SYN1: variants seen among roughly 807,000 people sequenced by gnomAD.
The protein encoded by SYN1 is synapsin-1.
SYN1 carries 8 observed loss-of-function variants against 44.6 expected under a neutral mutation model. The ratio of observed to expected loss-of-function variants is 0.18; its 90% confidence interval spans 0.11 to 0.32. SYN1 has a LOEUF of 0.32. Ranked by LOEUF, SYN1 falls within the 10% of genes least tolerant of loss-of-function variation. The probability of loss-of-function intolerance (pLI) is 1.00; values close to 1 mark genes in which losing one functional copy is unlikely to be tolerated. For synonymous variants in SYN1, 275 were observed against 280.1 expected, an observed-to-expected ratio of 0.98 and a Z score of 0.18; for missense variants, 451 against 639.4, an observed-to-expected ratio of 0.71 and a Z score of 3.18.
At chrX:47,583,376 C>G in intron 5 of SYN1, 1 of 1,172,610 alleles carries the variant, frequency 8.5e-7, no homozygotes, top group Non-Finnish European at 1.1e-6. Context: ...TCAGCTGGGC[C>G]GGGGCCTGCC....
intron 5 of SYN1, among the ~76,000 whole-genome samples, chrX:47,578,700 C>G (rs1391075126): frequency 3.6e-5 from 4 of 111,805 alleles, no homozygotes; most frequent in Non-Finnish European, 7.5e-5. Flanking sequence ...CCTCCACCCC[C>G]ACCCCCACAG....
intron 1 of SYN1, among the ~76,000 whole-genome samples, chrX:47,608,523 C>T (rs1447271869): frequency 4.5e-5 from 5 of 110,889 alleles, no homozygotes; most frequent in Middle Eastern, 4.7e-3. Context: ...CAGCTGCATC[C>T]GATAAGGAGG....
chrX:47,585,522 C>T (rs1289752652), intron 5 of SYN1: 3 of 1,199,110 alleles, frequency 2.5e-6, no homozygotes, highest in African/African-American at 3.5e-5. Context: ...TTGTCGGTCC[C>T]CGCCCCGCCT....
chrX:47,596,097 A>C (rs2057862872), intron 5 of SYN1, among the ~76,000 whole-genome samples: 1 of 112,275 alleles, frequency 8.9e-6, no homozygotes, highest in Non-Finnish European at 1.9e-5. Context: ...ACTAGCAACC[A>C]TTGGAGGAGG....
chrX:47,586,311 A>G (rs1469790627), intron 5 of SYN1: 1 of 752,606 alleles, frequency 1.3e-6, no homozygotes, highest in Non-Finnish European at 1.6e-6. Flanking sequence ...CCCAGCCACC[A>G]TTCCAGGACA....
intron 1 of SYN1, among the ~76,000 whole-genome samples, chrX:47,619,045 G>A (rs770442278): frequency 9.0e-6 from 1 of 110,715 alleles, no homozygotes; most frequent in East Asian, 2.9e-4. Flanking sequence ...GGGTAGGAAG[G>A]ACACGTTCGG....
chrX:47,619,536 C>A lies in SYN1; in HGVS notation c.193G>T (p.Ala65Ser), dbSNP rs1341993073. 8.4e-7 allele frequency: 1 copy of A among 1,192,410 alleles called. No homozygotes were observed. Among genetic ancestry groups the A allele is most frequent in the African/African-American group, 1.8e-5 (1 of 57,032 alleles). Residue 65 changes from alanine (A) to serine (S), a missense_variant, in exon 1 of 13, where the codon GCC becomes TCC. By Grantham distance (99) the Ala-to-Ser change is moderately conservative (BLOSUM62 1). This residue lies in a region of SYN1 where 315 missense variants were observed against 451.4 expected (regional missense o/e 0.70). Transcript: ENST00000295987. ...SGVAPAASPAAPSPGSSGGGG... is the reference protein window; with the variant it reads ...SGVAPAASPASPSPGSSGGGG... Reference sequence around the variant, plus strand: ...CCCCCCGAGGACCCGGGGCTAGGGGCGGCCGGAGAGGCCGCTGGGGCGACC... The same window carrying A: ...CCCCCCGAGGACCCGGGGCTAGGGGAGGCCGGAGAGGCCGCTGGGGCGACC...
chrX:47,602,470 C>T (rs930936450), intron 5 of SYN1, among the ~76,000 whole-genome samples: 3 of 111,252 alleles, frequency 2.7e-5, no homozygotes, highest in Admixed American at 9.6e-5. Flanking sequence ...GGTGAAACCC[C>T]TTTTCTACTA....
chrX:47,617,846 G>C (rs1049632431), intron 1 of SYN1, among the ~76,000 whole-genome samples: 10 of 111,744 alleles, frequency 8.9e-5, no homozygotes, highest in Non-Finnish European at 1.5e-4. Flanking sequence ...GCACATGACA[G>C]ACAAGGAATA....
intron 5 of SYN1, among the ~76,000 whole-genome samples, chrX:47,582,855 T>C (rs1272427983): frequency 1.7e-5 from 1 of 57,341 alleles, no homozygotes; most frequent in African/African-American, 7.3e-5. Context: ...GTTCCCCAGC[T>C]CCCAAACTTC....
intron 3 of SYN1, 145 bp from the exon 4 acceptor site, chrX:47,605,524 C>T (rs1168739778): frequency 5.3e-6 from 4 of 747,977 alleles, no homozygotes; most frequent in Non-Finnish European, 5.9e-6. Context: ...GAGCTGTTCC[C>T]TCTGCCTAGT....
intron 5 of SYN1, chrX:47,582,698 T>A (rs1603055693): frequency 4.9e-6 from 1 of 203,542 alleles, no homozygotes; most frequent in African/African-American, 5.8e-5. Context: ...CGCCCCCAAT[T>A]CCCCCAAACC....
chrX:47,588,547 A>G (rs972025721), intron 5 of SYN1, among the ~76,000 whole-genome samples: 3 of 112,199 alleles, frequency 2.7e-5, no homozygotes, highest in African/African-American at 9.7e-5. Flanking sequence ...TGCAGAATGG[A>G]CAGGGAGGAC....
At chrX:47,609,039 C>CACACACA (rs773314743) in intron 1 of SYN1, among the ~76,000 whole-genome samples, 1 of 109,024 alleles carries the variant, frequency 9.2e-6, no homozygotes, top group Non-Finnish European at 1.9e-5. Context: ...CACACACACA[C>CACACACA]CATCGCTGAC....
rs1211692394 is a variant in SYN1 at position 47,615,891 on chromosome X, C to CA, written c.377+3460dup. ...TGGGCGACAGAGCAAGACTCCGTCT[C>CA]AAAAAAAAAAAAAGAAAGAAAAACA... On this transcript the variant is annotated intron_variant, in intron 1 of 12. Coordinates refer to ENST00000295987, the MANE Select transcript of SYN1 (RefSeq NM_006950.3). Among the ~76,000 whole-genome samples the CA allele has an allele frequency of 5.2e-3, 468 of 89,526 alleles. 2 individuals are homozygous for CA. Among genetic ancestry groups the CA allele is most frequent in the African/African-American group, 0.015 (369 of 24,385 alleles). 77.7% of individuals were successfully genotyped at this position (89,526 alleles called of 115,157 possible). A position where few individuals can be genotyped will look rare whatever the true frequency, so the allele number is the denominator to read the frequency against.
At chrX:47,604,161 G>C (rs145640141) in intron 5 of SYN1, among the ~76,000 whole-genome samples, 2 of 110,450 alleles carry the variant, frequency 1.8e-5, no homozygotes, top group Admixed American at 9.6e-5. Context: ...CGCCCACTTC[G>C]GCCTCCCGAA....
At chrX:47,592,328 A>AT (rs2057850501) in intron 5 of SYN1, among the ~76,000 whole-genome samples, 1 of 89,297 alleles carries the variant, frequency 1.1e-5, no homozygotes, top group African/African-American at 3.9e-5. Flanking sequence ...ATACAGCAAG[A>AT]TTTTGTCTCA....
rs1397291573 is a variant in SYN1 at position 47,574,682 on chromosome X, G to A, written c.1393+6C>T. On this transcript the variant is annotated splice_donor_region_variant and intron_variant, in intron 11 of 12. Coordinates refer to ENST00000295987, the MANE Select transcript of SYN1 (RefSeq NM_006950.3). ...AGGGGACTGCGACCGCCAGCCTCTC[G>A]CTTACCCTGTGGTGGGGGTCGCTGC... The A allele has an allele frequency of 1.7e-6, 2 of 1,179,847 alleles. No individual in the cohort carries two copies. Among genetic ancestry groups the A allele is most frequent in the Admixed American group, 5.0e-5 (2 of 39,986 alleles).
At chrX:47,603,938 G>A (rs149741704) in intron 5 of SYN1, among the ~76,000 whole-genome samples, 5,628 of 88,200 alleles carry the variant, frequency 0.064, 499 homozygotes, top group African/African-American at 0.23. Flanking sequence ...ATGGAGTTTC[G>A]CTCTTGTTGC....
Sources: allele counts gnomAD v4.1 joint callset (sites outside exome capture counted in the v4.1 genomes callset), GRCh38; gene constraint gnomAD v4.1.1; regional missense constraint gnomAD v4.1.1; transcripts MANE v1.5; gene names NCBI Gene and HGNC (gene_info 2026-07-23, HGNC 2026-07-21).